TMEM268: variants seen among roughly 807,000 people sequenced by gnomAD.
TMEM268 encodes transmembrane protein 268, also known as transmembrane protein C9orf91.
Under a neutral mutation model 39.1 loss-of-function variants are expected in TMEM268, and 24 were observed. The ratio of observed to expected loss-of-function variants is 0.61; its 90% confidence interval spans 0.44 to 0.86. TMEM268 has a LOEUF of 0.86. Ranked by LOEUF, TMEM268 falls within the 40% of genes least tolerant of loss-of-function variation. The pLI is 0.00. For missense variants in TMEM268, 409 were observed against 428.6 expected (o/e 0.95, Z 0.40); for synonymous variants, 176 against 173.5 (o/e 1.01, Z -0.12).
intron 8 of TMEM268, among the ~76,000 whole-genome samples, chr9:114,642,598 G>T (rs1278798850): frequency 6.6e-6 from 1 of 151,746 alleles, no homozygotes; most frequent in Non-Finnish European, 1.5e-5. Flanking sequence ...ATGTATTTGT[G>T]GCTGGCTAGG....
In TMEM268 at chr9:114,643,701, G is replaced by A. The variant is rs937237453; in HGVS notation, c.*388G>A. 5 of 167,924 alleles carry A rather than the reference G, an allele frequency of 3.0e-5. No individual in the cohort carries two copies. Among genetic ancestry groups the A allele is most frequent in the African/African-American group, 7.1e-5 (3 of 41,984 alleles). The allele number at this position is 167,924 out of a possible 1,614,324, so 10.4% of individuals were successfully genotyped here. A position where few individuals can be genotyped will look rare whatever the true frequency, so the allele number is the denominator to read the frequency against. Reference sequence around the variant, plus strand: ...ATGTGTCCAAAACTTGGCCTCAGATGATGTTTCCATCTCCAACCCCTTCAT... The same window carrying A: ...ATGTGTCCAAAACTTGGCCTCAGATAATGTTTCCATCTCCAACCCCTTCAT... On this transcript the variant is annotated 3_prime_UTR_variant, in exon 9 of 9. Transcript: ENST00000288502.
chr9:114,628,355 G>A, intron 5 of TMEM268, 105 bp downstream of exon 5: 2 of 1,323,330 alleles, frequency 1.5e-6, no homozygotes, highest in Non-Finnish European at 2.1e-6. Flanking sequence ...CCCTGGCCAT[G>A]AAAATTCACA....
In TMEM268 at chr9:114,637,015, A is replaced by T. The variant is rs769628517; in HGVS notation, c.611A>T (p.Glu204Val). 1 of 1,613,522 alleles carries T rather than the reference A, an allele frequency of 6.2e-7. No individual in the cohort carries two copies. The highest frequency in any genetic ancestry group is 8.5e-7 in the Non-Finnish European group (1 of 1,179,530). ...IQLWFVYFDLENCVQFLSDHV... is the reference protein window; with the variant it reads ...IQLWFVYFDLVNCVQFLSDHV... Reference sequence around the variant, plus strand: ...CTTTGGTTTGTCTACTTCGACCTGGAGAACTGTGTGCAGTTTTTGTCTGAT... The same window carrying T: ...CTTTGGTTTGTCTACTTCGACCTGGTGAACTGTGTGCAGTTTTTGTCTGAT... The change falls in exon 7 of 9, where the codon GAG (glutamate) becomes GTG (valine). Residue 204 changes from glutamate to valine, a missense_variant. Transcript: ENST00000288502.
upstream of TMEM268, among the ~76,000 whole-genome samples, chr9:114,608,149 T>C: frequency 6.6e-6 from 1 of 152,216 alleles, no homozygotes; most frequent in Non-Finnish European, 1.5e-5. Flanking sequence ...CACCCACTCC[T>C]CCTTGCTATG....
At chr9:114,630,688 G>A (rs1846357481) in intron 5 of TMEM268, among the ~76,000 whole-genome samples, 1 of 152,190 alleles carries the variant, frequency 6.6e-6, no homozygotes, top group Middle Eastern at 3.2e-3. Flanking sequence ...GACACACAAA[G>A]TGTTTATAAT....
chr9:114,610,251 C>T (rs567635078), upstream of TMEM268, among the ~76,000 whole-genome samples: 4 of 152,172 alleles, frequency 2.6e-5, no homozygotes, highest in East Asian at 3.8e-4. Flanking sequence ...GTTGATCAGG[C>T]TGGTCTCGAA....
intron 2 of TMEM268, chr9:114,622,096 C>T: frequency 1.0e-6 from 1 of 985,332 alleles, no homozygotes; most frequent in Non-Finnish European, 1.2e-6. Context: ...TTTTGTTTGC[C>T]TAGTTGGCAG....
At position 114,627,107 on chromosome 9, in the gene TMEM268, T is replaced by G. The variant is rs1439041990; in HGVS notation, c.324+101T>G. The G allele has an allele frequency of 3.8e-6, 3 of 790,408 alleles. No homozygotes were observed. The African/African-American group carries it at 5.1e-5, about 13-fold the overall frequency. 49.0% of individuals were successfully genotyped at this position (790,408 alleles called of 1,614,324 possible). A position where few individuals can be genotyped will look rare whatever the true frequency, so the allele number is the denominator to read the frequency against. ...GAGCCTGTTGGTGTGGGTCAGGGGC[T>G]TGGGGGCTGTTGGCCCAGGTGCCTG... is the stretch of plus-strand genomic sequence containing the variant. On this transcript the variant is annotated intron_variant, in intron 4 of 8. Transcript: ENST00000288502.
intron 5 of TMEM268, among the ~76,000 whole-genome samples, chr9:114,630,804 A>G (rs941916886): frequency 6.6e-6 from 1 of 152,198 alleles, no homozygotes; most frequent in African/African-American, 2.4e-5. Context: ...GTCCATGGCC[A>G]CACAGCCCTT....
chr9:114,628,918 T>G (rs1036421791), intron 5 of TMEM268, among the ~76,000 whole-genome samples: 2 of 152,248 alleles, frequency 1.3e-5, no homozygotes, highest in Non-Finnish European at 2.9e-5. Context: ...TCTTTTGATA[T>G]GTACTGAGCA....
chr9:114,603,993 T>C, the TMEM268 span, among the ~76,000 whole-genome samples: 1 of 151,786 alleles, frequency 6.6e-6, no homozygotes, highest in Non-Finnish European at 1.5e-5. Flanking sequence ...AACTTTTACA[T>C]TTATATTGAC....
chr9:114,642,809 A>G (rs1039577293), intron 8 of TMEM268, among the ~76,000 whole-genome samples: 1 of 152,014 alleles, frequency 6.6e-6, no homozygotes, highest in Middle Eastern at 3.2e-3. Flanking sequence ...AGATAATTAG[A>G]AATTTGGTAA....
intron 1 of TMEM268, chr9:114,615,679 G>A (rs1375956783): frequency 6.6e-6 from 1 of 151,738 alleles, no homozygotes; most frequent in African/African-American, 2.4e-5. Flanking sequence ...GGGTATTTTT[G>A]TTCTCTGTGG....
rs1163486841 is a variant in TMEM268, at chr9:114,617,183, C to G, written c.-13C>G. ...CTCTGAGAAGGGGAAGTAGAAACAG[C>G]TGGCGCCCTGCCATGGCCTGTGAAC... On this transcript the variant is annotated 5_prime_UTR_variant, in exon 2 of 9. Transcript: ENST00000288502. The G allele has an allele frequency of 1.9e-6, 3 of 1,567,142 alleles. No homozygotes were observed. The East Asian group carries it at 6.8e-5, about 36-fold the overall frequency.
intron 2 of TMEM268, among the ~76,000 whole-genome samples, chr9:114,619,276 C>T (rs533082750): frequency 5.0e-4 from 70 of 140,098 alleles, no homozygotes; most frequent in African/African-American, 1.7e-3. Flanking sequence ...TCCCCCTCTG[C>T]GCGTGCGTGC....
chr9:114,620,435 CG>C (rs1216509307), intron 2 of TMEM268, among the ~76,000 whole-genome samples: 2 of 151,886 alleles, frequency 1.3e-5, no homozygotes, highest in African/African-American at 4.8e-5. Context: ...TTTGTAGAGA[CG>C]GGGTTTTTCA....
intron 1 of TMEM268, among the ~76,000 whole-genome samples, chr9:114,615,004 C>T: frequency 6.7e-6 from 1 of 150,326 alleles, no homozygotes; most frequent in East Asian, 2.0e-4. Context: ...TCAAGTGATT[C>T]TCCTGCCTCA....
intron 2 of TMEM268, among the ~76,000 whole-genome samples, chr9:114,621,301 G>A (rs111756866): frequency 0.011 from 1,657 of 150,520 alleles, 11 homozygotes; most frequent in Non-Finnish European, 0.017. Flanking sequence ...AGCCATGTTA[G>A]TGTCACTGCA....
At position 114,644,152 on chromosome 9, in the gene TMEM268, T is replaced by C. The variant is rs1258718610; in HGVS notation, c.*839T>C. The C allele has an allele frequency of 2.6e-5, 4 of 152,366 alleles. No homozygotes were observed. The highest frequency in any genetic ancestry group is 9.7e-5 in the African/African-American group (4 of 41,448). 9.4% of individuals were successfully genotyped at this position (152,366 alleles called of 1,614,324 possible). On this transcript the variant is annotated 3_prime_UTR_variant, in exon 9 of 9. Coordinates refer to ENST00000288502, the MANE Select transcript of TMEM268 (RefSeq NM_153045.4). Reference sequence around the variant, plus strand: ...CCACTTGTGGAATTCTTTGAAGAGCTCAGAGGCTTCCAAGTGATCTGCTCC... The same window carrying C: ...CCACTTGTGGAATTCTTTGAAGAGCCCAGAGGCTTCCAAGTGATCTGCTCC...
Sources: allele counts gnomAD v4.1 joint callset (sites outside exome capture counted in the v4.1 genomes callset), GRCh38; gene constraint gnomAD v4.1.1; transcripts MANE v1.5; gene names NCBI Gene and HGNC (gene_info 2026-07-23, HGNC 2026-07-21).